AGMO: variants seen among roughly 807,000 people sequenced by gnomAD.
The protein encoded by AGMO is alkylglycerol monooxygenase, also known as glyceryl-ether monooxygenase.
AGMO carries 75 observed loss-of-function variants against 60.2 expected under a neutral mutation model. The ratio of observed to expected loss-of-function variants is 1.25; its 90% CI spans 1.03 to 1.51. The LOEUF (loss-of-function observed/expected upper bound fraction) is 1.51. AGMO is among the 40% of genes most tolerant of loss of function. The pLI is 0.00. For synonymous variants in AGMO, 261 were observed against 177.1 expected (o/e 1.47, Z -3.76); for missense variants, 763 against 525.5 (o/e 1.45, Z -4.42).
chr7:15,514,258 G>T (rs1243768004), intron 3 of AGMO, among the ~76,000 whole-genome samples: 1 of 152,082 alleles, frequency 6.6e-6, no homozygotes, highest in African/African-American at 2.4e-5. Flanking sequence ...CTCTGTTAAA[G>T]TTTCTGAGAT....
chr7:15,427,507 T>G (rs958357212), intron 4 of AGMO, among the ~76,000 whole-genome samples: 2 of 152,168 alleles, frequency 1.3e-5, no homozygotes, highest in Non-Finnish European at 1.5e-5. Flanking sequence ...GTTCTTTTTC[T>G]GTTTTAGAGT....
At chr7:15,540,314 G>A (rs1383120192) in intron 3 of AGMO, among the ~76,000 whole-genome samples, 3 of 152,176 alleles carry the variant, frequency 2.0e-5, no homozygotes, top group African/African-American at 7.2e-5. Context: ...CAGAGTGTAT[G>A]AGCTACAGCT....
chr7:15,148,788 T>G, the AGMO span, among the ~76,000 whole-genome samples: 6 of 152,122 alleles, frequency 3.9e-5, no homozygotes, highest in Admixed American at 2.6e-4. Context: ...AACATAGAAG[T>G]GCATGTGTCT....
intron 3 of AGMO, among the ~76,000 whole-genome samples, chr7:15,451,590 A>G (rs1462032766): frequency 3.3e-5 from 5 of 152,178 alleles, no homozygotes; most frequent in Non-Finnish European, 2.9e-5. Flanking sequence ...CATAATTAAT[A>G]AATATTTTCT....
At chr7:15,353,098 G>T (rs974476001) in intron 12 of AGMO, among the ~76,000 whole-genome samples, 2 of 152,120 alleles carry the variant, frequency 1.3e-5, no homozygotes, top group African/African-American at 4.8e-5. Context: ...AAAAAGGTGG[G>T]AAGGGGGCAG....
At chr7:15,307,258 T>C (rs1334756508) in intron 12 of AGMO, among the ~76,000 whole-genome samples, 2 of 152,024 alleles carry the variant, frequency 1.3e-5, no homozygotes, top group African/African-American at 2.4e-5. Flanking sequence ...AATCCTTGTT[T>C]GACATGACTT....
chr7:15,245,005 T>C (rs1410690528), intron 12 of AGMO, among the ~76,000 whole-genome samples: 1 of 152,078 alleles, frequency 6.6e-6, no homozygotes, highest in Admixed American at 6.5e-5. Flanking sequence ...CTTAGTATCT[T>C]GGAAAAAATA....
chr7:15,452,943 T>C (rs1781893455), intron 3 of AGMO, among the ~76,000 whole-genome samples: 1 of 152,194 alleles, frequency 6.6e-6, no homozygotes, highest in Non-Finnish European at 1.5e-5. Context: ...TTGGAAATGT[T>C]ATAGTAAGTG....
In AGMO at chr7:15,394,096, A is replaced by T. The variant is rs1200976629; in HGVS notation, c.676+17T>A. 2.5e-6 allele frequency: 4 copies of T among 1,587,266 alleles called. No homozygotes were observed. In the African/African-American group the frequency reaches 4.0e-5, roughly 16 times the overall value. On this transcript the variant is annotated intron_variant, in intron 6 of 12. Transcript: ENST00000342526. ...TAGAGAAATGAAGAAAAGAGAGAAG[A>T]AACAAAACTTCCTTACCATGATGAA... is the stretch of plus-strand genomic sequence containing the variant.
chr7:15,208,264 AAATT>A (rs1193779448), intron 12 of AGMO, among the ~76,000 whole-genome samples: 1 of 152,186 alleles, frequency 6.6e-6, no homozygotes, highest in African/African-American at 2.4e-5. Context: ...CAATAAGGTC[AAATT>A]AATAAAGGAC....
chr7:15,177,773 G>A, the AGMO span, among the ~76,000 whole-genome samples: 13,152 of 151,864 alleles, frequency 0.087, 895 homozygotes, highest in African/African-American at 0.19. Flanking sequence ...ATAATTCTAA[G>A]GTAAAAATAT....
At chr7:15,214,747 G>A (rs1462318375) in intron 12 of AGMO, among the ~76,000 whole-genome samples, 2 of 151,676 alleles carry the variant, frequency 1.3e-5, no homozygotes, top group Non-Finnish European at 2.9e-5. Flanking sequence ...CTTTTGCGAG[G>A]GTCAAAAAAA....
At chr7:15,290,032 ATT>A (rs34390987) in intron 12 of AGMO, among the ~76,000 whole-genome samples, 13,302 of 116,084 alleles carry the variant, frequency 0.11, 2,249 homozygotes, top group African/African-American at 0.4. Flanking sequence ...CCTTAAGTTG[ATT>A]TTTTTTTTTT....
intron 9 of AGMO, among the ~76,000 whole-genome samples, chr7:15,386,410 T>C (rs1783916437): frequency 6.6e-6 from 1 of 152,150 alleles, no homozygotes; most frequent in Non-Finnish European, 1.5e-5. Context: ...AATACTGTAC[T>C]CACTTTGAGT....
At chr7:15,505,033 T>G (rs1310446752) in intron 3 of AGMO, among the ~76,000 whole-genome samples, 1 of 151,998 alleles carries the variant, frequency 6.6e-6, no homozygotes, top group Non-Finnish European at 1.5e-5. Context: ...AATTTTGTAA[T>G]GCCAATTTTA....
At chr7:15,121,835 T>C in the AGMO span, among the ~76,000 whole-genome samples, 15 of 152,048 alleles carry the variant, frequency 9.9e-5, no homozygotes, top group South Asian at 2.1e-4. Context: ...ACTTAATAAA[T>C]GGTGCTGGAA....
At chr7:15,552,769 T>G (rs1405007540) in intron 2 of AGMO, among the ~76,000 whole-genome samples, 9 of 149,974 alleles carry the variant, frequency 6.0e-5, no homozygotes, top group Non-Finnish European at 1.2e-4. Context: ...GTGGCGATTC[T>G]TCAGGGATCT....
At chr7:15,525,086 T>C (rs1784089812) in intron 3 of AGMO, among the ~76,000 whole-genome samples, 1 of 152,116 alleles carries the variant, frequency 6.6e-6, no homozygotes, top group African/African-American at 2.4e-5. Flanking sequence ...AAGTCAGTCC[T>C]GCTTCATAAT....
intron 3 of AGMO, among the ~76,000 whole-genome samples, chr7:15,520,333 C>G (rs1414404545): frequency 6.6e-6 from 1 of 152,166 alleles, no homozygotes; most frequent in Non-Finnish European, 1.5e-5. Context: ...GAACTCAGCT[C>G]TGCATCAAGC....
Sources: allele counts gnomAD v4.1 joint callset (sites outside exome capture counted in the v4.1 genomes callset), GRCh38; gene constraint gnomAD v4.1.1; transcripts MANE v1.5; gene names NCBI Gene and HGNC (gene_info 2026-07-23, HGNC 2026-07-21).